The following WDR93 variants were observed in gnomAD, a reference collection of about 807,000 sequenced individuals.
WDR93 encodes WD repeat-containing protein 93.
In WDR93, 73 loss-of-function variants were observed where a neutral mutation model predicts 82.9. That is an observed-to-expected ratio of 0.88 (90% CI 0.73 to 1.07). The LOEUF is 1.07. Ranked by LOEUF, WDR93 falls within the 50% of genes least tolerant of loss-of-function variation. The pLI is 0.00. For missense variants in WDR93, 738 were observed against 826.0 expected (o/e 0.89, Z 1.31); for synonymous variants, 283 against 300.1 (o/e 0.94, Z 0.59).
At chr15:89,701,397 T>C (rs1965457461) in intron 1 of WDR93, among the ~76,000 whole-genome samples, 2 of 152,184 alleles carry the variant, frequency 1.3e-5, no homozygotes, top group African/African-American at 4.8e-5. Flanking sequence ...GCATAAGTTG[T>C]AGGAGAGAGG....
intron 7 of WDR93, among the ~76,000 whole-genome samples, chr15:89,717,638 A>G (rs1427141238): frequency 6.6e-6 from 1 of 152,212 alleles, no homozygotes; most frequent in Non-Finnish European, 1.5e-5. Context: ...AAAATTAGCA[A>G]AGGTAACATA....
chr15:89,705,824 G>A (rs1965702963), intron 4 of WDR93, among the ~76,000 whole-genome samples: 2 of 152,112 alleles, frequency 1.3e-5, no homozygotes. Context: ...TTACCCTGTT[G>A]TCAAGAAAAG....
At chr15:89,733,245 G>T in intron 13 of WDR93, 26 bp downstream of exon 13, 1 of 1,598,522 alleles carries the variant, frequency 6.3e-7, no homozygotes, top group Non-Finnish European at 8.6e-7. Context: ...GTGGGACGGG[G>T]TAAATAATTG....
At chr15:89,701,623 G>A (rs1965468365) in intron 1 of WDR93, 84 bp from the exon 2 acceptor site, 5 of 1,184,476 alleles carry the variant, frequency 4.2e-6, no homozygotes, top group Non-Finnish European at 5.9e-6. Flanking sequence ...AGTCCCTATA[G>A]GCTATTGTGC....
chr15:89,690,710 G>T (rs577395228), upstream of WDR93: 6 of 1,072,276 alleles, frequency 5.6e-6, no homozygotes, highest in Admixed American at 4.0e-5. Context: ...CCCAGGGAAC[G>T]GTCAGTCCCA....
At chr15:89,731,683 T>C in intron 12 of WDR93, 121 bp downstream of exon 12, 3 of 1,344,826 alleles carry the variant, frequency 2.2e-6, no homozygotes, top group Non-Finnish European at 3.1e-6. Context: ...AAAGTCACCT[T>C]GGGGAACTGG....
At chr15:89,705,295 T>A (rs1026147087) in intron 3 of WDR93, 10 of 482,676 alleles carry the variant, frequency 2.1e-5, no homozygotes, top group Non-Finnish European at 3.4e-5. Context: ...GTAGCCCATG[T>A]CTTACAGGAG....
intron 5 of WDR93, chr15:89,714,154 A>G (rs1350819339): frequency 6.6e-6 from 1 of 152,088 alleles, no homozygotes; most frequent in Non-Finnish European, 1.5e-5. Flanking sequence ...CCTCAGACAC[A>G]CTTCTCTCAG....
rs577850232 is a variant in WDR93 at position 89,721,944 on chromosome 15, C to T, written c.796-111C>T. On this transcript the variant is annotated intron_variant, in intron 7 of 16. Transcript: ENST00000268130. Reference sequence around the variant, plus strand: ...TTGCTATTTACTTTCTATTTGTCCTCTTATTTTTCTTTTTCCCCTTCTTTT... The same window carrying T: ...TTGCTATTTACTTTCTATTTGTCCTTTTATTTTTCTTTTTCCCCTTCTTTT... 190 of 724,366 alleles carry T rather than the reference C, an allele frequency of 2.6e-4. 2 individuals carry two copies. In the African/African-American group the frequency reaches 3.3e-3, roughly 13 times the overall value. The allele number at this position is 724,366 out of a possible 1,614,324, so 44.9% of individuals were successfully genotyped here.
chr15:89,737,505 T>C (rs929403213), intron 14 of WDR93, 68 bp from the exon 15 acceptor site: 4 of 1,595,234 alleles, frequency 2.5e-6, no homozygotes, highest in Non-Finnish European at 3.4e-6. Context: ...TGGGGTGACC[T>C]CTACACGACC....
At chr15:89,700,570 T>G (rs1965409623) in intron 1 of WDR93, among the ~76,000 whole-genome samples, 4 of 150,772 alleles carry the variant, frequency 2.7e-5, no homozygotes, top group Admixed American at 2.6e-4. Context: ...TTTTTTTTTT[T>G]TTTTTTTTTT....
chr15:89,718,835 G>A (rs1216750630), intron 7 of WDR93, among the ~76,000 whole-genome samples: 1 of 152,012 alleles, frequency 6.6e-6, no homozygotes, highest in Non-Finnish European at 1.5e-5. Flanking sequence ...GGCTAGTCTC[G>A]AACGCCTGAC....
chr15:89,736,070 G>A (rs979863472), intron 14 of WDR93, among the ~76,000 whole-genome samples: 2 of 152,206 alleles, frequency 1.3e-5, no homozygotes, highest in African/African-American at 4.8e-5. Flanking sequence ...TGTACACTGC[G>A]CAGAAGGATA....
rs764152626 is a variant in WDR93 at position 89,729,004 on chromosome 15, G to A, written c.1053-19G>A. On this transcript the variant is annotated intron_variant, in intron 9 of 16. Transcript: ENST00000268130. ...CAGGGAGTCTACATGGCTCTGACTC[G>A]TGTGTCTTTCTTTCCCAGTACGGCC... The A allele has an allele frequency of 1.2e-6, 2 of 1,611,272 alleles. No homozygotes were observed. The highest frequency in any genetic ancestry group is 8.5e-7 in the Non-Finnish European group (1 of 1,177,406).
chr15:89,730,542 A>C (rs1001381585), intron 11 of WDR93, among the ~76,000 whole-genome samples: 1 of 152,166 alleles, frequency 6.6e-6, no homozygotes, highest in Non-Finnish European at 1.5e-5. Flanking sequence ...GAGTTTCTGT[A>C]TGTGAAGCTC....
At chr15:89,708,032 G>A (rs968016644) in intron 4 of WDR93, among the ~76,000 whole-genome samples, 3 of 152,156 alleles carry the variant, frequency 2.0e-5, no homozygotes, top group Non-Finnish European at 4.4e-5. Context: ...AAAGAAGTCA[G>A]ATAAAAATAC....
At chr15:89,695,189 G>A (rs983787919) in intron 1 of WDR93, among the ~76,000 whole-genome samples, 4 of 151,546 alleles carry the variant, frequency 2.6e-5, no homozygotes, top group South Asian at 2.1e-4. Context: ...TTATCATAGG[G>A]ATTGTGTTGA....
intron 8 of WDR93, among the ~76,000 whole-genome samples, chr15:89,725,091 T>C (rs1475880262): frequency 6.6e-6 from 1 of 152,194 alleles, no homozygotes; most frequent in East Asian, 1.9e-4. Context: ...TCTAGGAATG[T>C]ACCCATAGAT....
intron 1 of WDR93, among the ~76,000 whole-genome samples, chr15:89,697,494 G>C (rs925562079): frequency 6.6e-6 from 1 of 152,204 alleles, no homozygotes; most frequent in Non-Finnish European, 1.5e-5. Flanking sequence ...TGCAGTCAGA[G>C]AACATACTTT....
Sources: allele counts gnomAD v4.1 joint callset (sites outside exome capture counted in the v4.1 genomes callset), GRCh38; gene constraint gnomAD v4.1.1; transcripts MANE v1.5; gene names NCBI Gene and HGNC (gene_info 2026-07-23, HGNC 2026-07-21).